Variants in SPOCK3 observed in about 807,000 individuals in gnomAD.
The protein encoded by SPOCK3 is SPARC (osteonectin), cwcv and kazal like domains proteoglycan 3.
A neutral mutation model predicts 56.6 loss-of-function variants in SPOCK3; 30 were observed. The ratio of observed to expected loss-of-function variants is 0.53; its 90% CI spans 0.40 to 0.72. The LOEUF (loss-of-function observed/expected upper bound fraction) is 0.72. Ranked by LOEUF, SPOCK3 falls within the 30% of genes least tolerant of loss-of-function variation. SPOCK3 has a pLI of 0.00. For missense variants in SPOCK3, 527 were observed against 530.0 expected (o/e 0.99, Z 0.06); for synonymous variants, 196 against 183.3 (o/e 1.07, Z -0.56).
chr4:167,000,382 G>A lies in SPOCK3; in HGVS notation c.317C>T (p.Ala106Val). Residue 106 changes from alanine (A) to valine (V), a missense_variant, in exon 4 of 11, where the codon GCA becomes GTA. Ala to Val is a moderately conservative substitution (Grantham distance 64). Coordinates refer to ENST00000357545, the MANE Select transcript of SPOCK3 (RefSeq NM_001040159.2). ...AAGCCTCCGGTGACTAATGCAGACT[G>A]CAGTCTGAGAATCTTGAGCAATGCA... ...KVCIAQDSQT[A>V]VCISHRRLTH... The A allele has an allele frequency of 6.2e-7, 1 of 1,601,986 alleles. No homozygotes were observed.
chr4:166,994,172 G>A (rs1748109398), intron 4 of SPOCK3, among the ~76,000 whole-genome samples: 1 of 152,096 alleles, frequency 6.6e-6, no homozygotes, highest in South Asian at 2.1e-4. Context: ...CAACACCCAT[G>A]ATCATAAAAT....
chr4:166,940,708 C>T (rs949496874), intron 4 of SPOCK3, among the ~76,000 whole-genome samples: 3 of 150,212 alleles, frequency 2.0e-5, no homozygotes, highest in African/African-American at 4.9e-5. Context: ...GAACCTAAGA[C>T]AGCAAAGATC....
chr4:167,124,817 C>T (rs937338052), intron 2 of SPOCK3, among the ~76,000 whole-genome samples: 11 of 152,160 alleles, frequency 7.2e-5, no homozygotes, highest in African/African-American at 2.7e-4. Context: ...GTCCCTTTAT[C>T]ACACTGACCT....
intron 2 of SPOCK3, among the ~76,000 whole-genome samples, chr4:167,157,454 A>T (rs1764910765): frequency 6.6e-6 from 1 of 151,976 alleles, no homozygotes; most frequent in Admixed American, 6.6e-5. Flanking sequence ...TATATATAAA[A>T]TTTTTAAATC....
chr4:167,209,789 A>C (rs1734689824), intron 2 of SPOCK3, among the ~76,000 whole-genome samples: 1 of 152,194 alleles, frequency 6.6e-6, no homozygotes, highest in Non-Finnish European at 1.5e-5. Flanking sequence ...TATACAAAAA[A>C]AATTTTTAAA....
At position 166,880,656 on chromosome 4, in the gene SPOCK3, T is replaced by C. The variant is rs915415557; in HGVS notation, c.589+8474A>G. On this transcript the variant is annotated intron_variant, in intron 6 of 10. Transcript: ENST00000357545. ...TAACAATTTTTCCATCTCGGTTTTA[T>C]CACCATAATCTTCTCAGGAGTTATC... is the stretch of plus-strand genomic sequence containing the variant. 1.2e-4 allele frequency among the ~76,000 whole-genome samples: 19 copies of C among 152,194 alleles called. 1 individual carries two copies.
intron 4 of SPOCK3, 139 bp downstream of exon 4, chr4:167,000,210 G>C: frequency 2.2e-6 from 1 of 456,966 alleles, no homozygotes; most frequent in South Asian, 5.0e-5. Context: ...AATCATAATT[G>C]TATTAACTAA....
chr4:166,784,526 T>A (rs1324462169), intron 7 of SPOCK3, among the ~76,000 whole-genome samples: 2 of 152,080 alleles, frequency 1.3e-5, no homozygotes, highest in African/African-American at 4.8e-5. Flanking sequence ...AAATAAGCAA[T>A]GATATGGATC....
At position 166,839,335 on chromosome 4, in the gene SPOCK3, CATT is replaced by C. The variant is rs1013710517; in HGVS notation, c.590-47049_590-47047del. 1.5e-4 allele frequency among the ~76,000 whole-genome samples: 23 copies of C among 152,190 alleles called. 1 individual carries two copies. The highest frequency in any genetic ancestry group is 3.9e-4 in the African/African-American group (16 of 41,526). On this transcript the variant is annotated intron_variant, in intron 6 of 10. Transcript: ENST00000357545. ...AGGCCACCACTCATATGGAATGTCT[CATT>C]GTTGTTGCTAAAATTACCTCCACTG...
At chr4:167,019,772 C>T (rs1190753636) in intron 3 of SPOCK3, among the ~76,000 whole-genome samples, 1 of 152,018 alleles carries the variant, frequency 6.6e-6, no homozygotes, top group African/African-American at 2.4e-5. Flanking sequence ...ATTTTCCGAC[C>T]TTCTTTTCTA....
chr4:167,082,963 C>T (rs1757857481), intron 2 of SPOCK3, among the ~76,000 whole-genome samples: 1 of 151,914 alleles, frequency 6.6e-6, no homozygotes, highest in Non-Finnish European at 1.5e-5. Flanking sequence ...ACAGCTCAGG[C>T]CCATTGTGAT....
At chr4:167,164,659 T>G (rs1472883705) in intron 2 of SPOCK3, among the ~76,000 whole-genome samples, 3 of 152,028 alleles carry the variant, frequency 2.0e-5, no homozygotes, top group Non-Finnish European at 4.4e-5. Flanking sequence ...TTCCCATTAT[T>G]AAACTCCCAC....
At chr4:167,085,505 T>A (rs917386806) in intron 2 of SPOCK3, among the ~76,000 whole-genome samples, 1 of 152,276 alleles carries the variant, frequency 6.6e-6, no homozygotes, top group East Asian at 1.9e-4. Flanking sequence ...ATTTGAAATA[T>A]CTGCTTCCTT....
intron 4 of SPOCK3, among the ~76,000 whole-genome samples, chr4:166,915,593 C>A (rs1013533344): frequency 1.3e-5 from 2 of 152,018 alleles, no homozygotes; most frequent in South Asian, 2.1e-4. Context: ...TAAGAGAGAG[C>A]AACGTGTTTC....
At chr4:167,107,590 G>A (rs1423466314) in intron 2 of SPOCK3, among the ~76,000 whole-genome samples, 5 of 151,808 alleles carry the variant, frequency 3.3e-5, no homozygotes, top group Admixed American at 6.6e-5. Flanking sequence ...TTGGGAACAC[G>A]GTAAGGATGC....
chr4:166,921,533 G>A (rs1170792754), intron 4 of SPOCK3, among the ~76,000 whole-genome samples: 1 of 152,018 alleles, frequency 6.6e-6, no homozygotes, highest in Non-Finnish European at 1.5e-5. Context: ...GGCCAGGATA[G>A]TCTCAATCTC....
chr4:167,140,392 C>T (rs2150397669), intron 2 of SPOCK3, among the ~76,000 whole-genome samples: 1 of 152,136 alleles, frequency 6.6e-6, no homozygotes, highest in South Asian at 2.1e-4. Context: ...TTATGATGTG[C>T]ATAGCTTCAC....
intron 6 of SPOCK3, among the ~76,000 whole-genome samples, chr4:166,842,981 G>C (rs1747620153): frequency 6.6e-6 from 1 of 152,220 alleles, no homozygotes; most frequent in African/African-American, 2.4e-5. Flanking sequence ...CGGGGAGGCA[G>C]CTGAGGCCCG....
chr4:167,024,177 T>TAACC (rs1333362272), intron 3 of SPOCK3, among the ~76,000 whole-genome samples: 1 of 152,012 alleles, frequency 6.6e-6, no homozygotes, highest in Non-Finnish European at 1.5e-5. Flanking sequence ...TTGGATCCCT[T>TAACC]AACCTGTTCA....
Sources: gnomAD v4.1 joint callset for allele counts (sites outside exome capture counted in the v4.1 genomes callset) on GRCh38, gnomAD v4.1.1 for gene constraint, MANE v1.5 for transcripts, NCBI Gene and HGNC (gene_info 2026-07-23, HGNC 2026-07-21) for gene names.